Variants in NFYC observed in about 807,000 individuals in gnomAD.
NFYC encodes the protein nuclear transcription factor Y subunit gamma.
A neutral mutation model predicts 53.1 loss-of-function variants in NFYC; 25 were observed. The observed-to-expected ratio is 0.47, with a 90% CI of 0.34 to 0.66. NFYC has a LOEUF of 0.66. Among genes scored for constraint, NFYC ranks in the 30% least tolerant of loss-of-function variants. The probability of loss-of-function intolerance (pLI) is 0.01; values close to 1 mark genes in which losing one functional copy is unlikely to be tolerated. For missense variants in NFYC, 260 were observed against 422.7 expected, an observed-to-expected ratio of 0.62 and a Z score of 3.38; for synonymous variants, 145 against 152.6, an observed-to-expected ratio of 0.95 and a Z score of 0.37.
chr1:40,749,813 T>C (rs1317681406), intron 4 of NFYC, 127 bp downstream of exon 4: 5 of 729,152 alleles, frequency 6.9e-6, no homozygotes, highest in African/African-American at 1.8e-5. Context: ...GGACCAAAGA[T>C]TGTTCTCCTT....
intron 1 of NFYC, among the ~76,000 whole-genome samples, chr1:40,709,163 T>G (rs1643860161): frequency 6.6e-6 from 1 of 152,210 alleles, no homozygotes; most frequent in Non-Finnish European, 1.5e-5. Context: ...ATCTGACCCC[T>G]GTTCTGCTTC....
chr1:40,757,907 GTA>G (rs1646318234), intron 5 of NFYC: 1 of 596,208 alleles, frequency 1.7e-6, no homozygotes, highest in East Asian at 2.8e-5. Flanking sequence ...GAAATTGGCT[GTA>G]TGTTTTGTGA....
intron 1 of NFYC, among the ~76,000 whole-genome samples, chr1:40,703,468 G>C: frequency 4.2e-5 from 1 of 23,812 alleles, no homozygotes; most frequent in Non-Finnish European, 9.2e-5. Context: ...CTCCAGCCTG[G>C]GCAATTAGCC....
At chr1:40,766,734 T>TG in intron 8 of NFYC, 31 bp downstream of exon 8, 4 of 1,596,974 alleles carry the variant, frequency 2.5e-6, no homozygotes, top group Non-Finnish European at 3.4e-6. Context: ...AGGCCTGTGT[T>TG]GGAGACCAGG....
chr1:40,716,706 T>C (rs1644148635), intron 1 of NFYC, among the ~76,000 whole-genome samples: 1 of 152,192 alleles, frequency 6.6e-6, no homozygotes, highest in African/African-American at 2.4e-5. Flanking sequence ...GAATTGTACG[T>C]GGCACACAGT....
At chr1:40,761,892 G>A (rs1025907984) in intron 6 of NFYC, among the ~76,000 whole-genome samples, 2 of 152,158 alleles carry the variant, frequency 1.3e-5, no homozygotes, top group East Asian at 1.9e-4. Flanking sequence ...GTGTACAGGT[G>A]TAGTTTAAAA....
In NFYC at chr1:40,769,075, G is replaced by A. The variant is rs187174335; in HGVS notation, c.829-281G>A. The A allele has an allele frequency of 3.1e-3, 1,152 of 368,774 alleles. 3 individuals carry two copies. The highest frequency in any genetic ancestry group is 5.0e-3 in the Middle Eastern group (6 of 1,192). 22.8% of individuals were successfully genotyped at this position (368,774 alleles called of 1,614,324 possible). On this transcript the variant is annotated intron_variant, in intron 8 of 9. Coordinates refer to ENST00000447388, the MANE Select transcript of NFYC (RefSeq NM_014223.5). Reference sequence around the variant, plus strand: ...CTGTTTGAGCCTCAGAGTTTGAGATGAGTGGGTGGTTGAGGGAGTAGGCAT... The same window carrying A: ...CTGTTTGAGCCTCAGAGTTTGAGATAAGTGGGTGGTTGAGGGAGTAGGCAT...
chr1:40,699,832 A>T (rs531746684), intron 1 of NFYC, among the ~76,000 whole-genome samples: 2 of 152,254 alleles, frequency 1.3e-5, no homozygotes, highest in East Asian at 3.9e-4. Context: ...TCCTTTGGGG[A>T]TAAAAAGAGG....
intron 1 of NFYC, among the ~76,000 whole-genome samples, chr1:40,714,121 G>GTT (rs1470461474): frequency 6.6e-6 from 1 of 152,178 alleles, no homozygotes; most frequent in Non-Finnish European, 1.5e-5. Context: ...GCCAGTTAGT[G>GTT]TTTTTTGTTG....
At chr1:40,741,964 CA>C (rs1396003889) in intron 2 of NFYC, among the ~76,000 whole-genome samples, 1 of 151,976 alleles carries the variant, frequency 6.6e-6, no homozygotes, top group African/African-American at 2.4e-5. Context: ...AGTGCAGTGG[CA>C]GGATTATAGC....
At chr1:40,718,615 A>T (rs1252973394) in intron 1 of NFYC, among the ~76,000 whole-genome samples, 1 of 152,256 alleles carries the variant, frequency 6.6e-6, no homozygotes, top group African/African-American at 2.4e-5. Context: ...GTACAAGTAG[A>T]TAACAATTGA....
At chr1:40,735,846 T>C (rs1465097692) in intron 1 of NFYC, 2 of 605,622 alleles carry the variant, frequency 3.3e-6, no homozygotes, top group Admixed American at 6.3e-5. Flanking sequence ...AGTCACTGTC[T>C]TCATTTTCAT....
chr1:40,714,623 C>T (rs566421231), intron 1 of NFYC, among the ~76,000 whole-genome samples: 1 of 151,858 alleles, frequency 6.6e-6, no homozygotes, highest in East Asian at 1.9e-4. Context: ...GTTTTCTTTC[C>T]TTTTTTTTGG....
chr1:40,708,146 G>A (rs1015529882), intron 1 of NFYC, among the ~76,000 whole-genome samples: 12 of 151,900 alleles, frequency 7.9e-5, no homozygotes, highest in Non-Finnish European at 1.5e-4. Context: ...ATAACCTAGC[G>A]ATTATTTAAA....
In NFYC at chr1:40,770,536, C is replaced by G. The variant is rs1444948847; in HGVS notation, c.889-173C>G. On this transcript the variant is annotated intron_variant, in intron 9 of 9. Coordinates refer to ENST00000447388, the MANE Select transcript of NFYC (RefSeq NM_014223.5). This position sits in a 1 kb window ranked among gnomAD's most constrained non-coding sequence, Gnocchi z 5.3. ...CCCCCCTCACACCGGGCTGGTGCCT[C>G]CTGTGTCTGCTGCTCCCAACCCCAG... The G allele has an allele frequency of 6.4e-7, 1 of 1,569,484 alleles. No homozygotes were observed. Among genetic ancestry groups the G allele is most frequent in the African/African-American group, 1.4e-5 (1 of 73,590 alleles).
chr1:40,746,158 C>A (rs913863115), intron 2 of NFYC, among the ~76,000 whole-genome samples: 1 of 152,188 alleles, frequency 6.6e-6, no homozygotes, highest in African/African-American at 2.4e-5. Context: ...ATAAACTGAA[C>A]TTCTAAGTCT....
chr1:40,766,582 T>C lies in NFYC; in HGVS notation c.721-14T>C. The C allele has an allele frequency of 6.2e-7, 1 of 1,602,582 alleles. No individual in the cohort carries two copies. Among genetic ancestry groups the C allele is most frequent in the Non-Finnish European group, 8.5e-7 (1 of 1,171,358 alleles). ...CAATGTCTTATGGTCTCTTTGTCTCTGCCCCTGCCCTAGGTGCAGCTGAAT... is the reference window on the plus strand; with the variant it reads ...CAATGTCTTATGGTCTCTTTGTCTCCGCCCCTGCCCTAGGTGCAGCTGAAT... On this transcript the variant is annotated splice_polypyrimidine_tract_variant and intron_variant, in intron 7 of 9. Coordinates refer to ENST00000447388, the MANE Select transcript of NFYC (RefSeq NM_014223.5).
At chr1:40,705,821 A>C (rs991559723) in intron 1 of NFYC, among the ~76,000 whole-genome samples, 1 of 152,150 alleles carries the variant, frequency 6.6e-6, no homozygotes, top group African/African-American at 2.4e-5. Context: ...ATCACGGCTC[A>C]TTGCAGCCTT....
intron 1 of NFYC, 75 bp downstream of exon 1, chr1:40,691,942 C>T: frequency 3.0e-6 from 1 of 331,202 alleles, no homozygotes; most frequent in Non-Finnish European, 6.0e-6. Context: ...GCGCTTCCCG[C>T]CTTCGCCAGA....
Sources: allele counts gnomAD v4.1 joint callset (sites outside exome capture counted in the v4.1 genomes callset), GRCh38; gene constraint gnomAD v4.1.1; non-coding constraint Gnocchi (gnomAD v3.1); transcripts MANE v1.5; gene names NCBI Gene and HGNC (gene_info 2026-07-23, HGNC 2026-07-21).